Variants in ANO10 observed in about 807,000 individuals in gnomAD.
ANO10 encodes anoctamin 10.
In ANO10, 77 loss-of-function variants were observed where a neutral mutation model predicts 74.7. That is an observed-to-expected ratio of 1.03 (90% CI 0.86 to 1.25). The LOEUF (loss-of-function observed/expected upper bound fraction) is 1.25. Ranked by LOEUF, ANO10 falls within the 50% of genes most tolerant of loss-of-function variation. The pLI, the probability that ANO10 is intolerant of heterozygous loss-of-function variation, is 0.00. For synonymous variants in ANO10, 279 were observed against 284.9 expected (o/e 0.98, Z 0.21); for missense variants, 721 against 778.1 (o/e 0.93, Z 0.87).
At chr3:43,510,736 T>C (rs894035486) in intron 11 of ANO10, among the ~76,000 whole-genome samples, 2 of 152,164 alleles carry the variant, frequency 1.3e-5, no homozygotes, top group Non-Finnish European at 2.9e-5. Context: ...AATATACCAC[T>C]GTGTACAAAG....
At chr3:43,627,988 G>T (rs1219300331) in intron 1 of ANO10, among the ~76,000 whole-genome samples, 1 of 152,078 alleles carries the variant, frequency 6.6e-6, no homozygotes, top group Non-Finnish European at 1.5e-5. Flanking sequence ...CCAGATACAG[G>T]CGATTCTCCT....
intron 12 of ANO10, among the ~76,000 whole-genome samples, chr3:43,368,445 G>A (rs2091486861): frequency 6.6e-6 from 1 of 152,166 alleles, no homozygotes. Flanking sequence ...GGGGGATAGA[G>A]ATGGTTTAAT....
intron 11 of ANO10, among the ~76,000 whole-genome samples, chr3:43,446,946 C>T (rs1333473866): frequency 2.6e-5 from 4 of 152,132 alleles, no homozygotes; most frequent in Non-Finnish European, 5.9e-5. Flanking sequence ...CCCACTGTGC[C>T]TCCTGCCCAC....
At chr3:43,455,972 T>G (rs1407443543) in intron 11 of ANO10, among the ~76,000 whole-genome samples, 1 of 152,068 alleles carries the variant, frequency 6.6e-6, no homozygotes, top group African/African-American at 2.4e-5. Context: ...TAACTCTAAT[T>G]TACGATGGGA....
At chr3:43,608,102 G>T (rs2149502575) in intron 1 of ANO10, among the ~76,000 whole-genome samples, 1 of 152,236 alleles carries the variant, frequency 6.6e-6, no homozygotes, top group African/African-American at 2.4e-5. Flanking sequence ...CCAAGGCACA[G>T]ATTTAAGAAT....
intron 12 of ANO10, chr3:43,372,729 TG>T: frequency 1.1e-6 from 1 of 882,922 alleles, no homozygotes; most frequent in Non-Finnish European, 1.8e-6. Flanking sequence ...CTATCCTACC[TG>T]GTATGTGGTC....
rs2080863678 is a variant in ANO10, at chr3:43,573,835, C to A, written c.1218+974G>T. 5.9e-5 allele frequency among the ~76,000 whole-genome samples: 9 copies of A among 152,206 alleles called. No homozygotes were observed. The South Asian group carries it at 1.2e-3, about 21-fold the overall frequency. ...AAAAAATTTTTTTTAATGTAATATT[C>A]CATCACTAAACAGGTTGTGGTGACA... On this transcript the variant is annotated intron_variant, in intron 7 of 12. Transcript: ENST00000292246.
chr3:43,526,978 C>T (rs554356446), intron 11 of ANO10, among the ~76,000 whole-genome samples: 16 of 151,692 alleles, frequency 1.1e-4, no homozygotes, highest in Admixed American at 3.3e-4. Context: ...TATATACACA[C>T]ACACATATGG....
chr3:43,484,197 T>C (rs1321739513), intron 11 of ANO10, among the ~76,000 whole-genome samples: 4 of 152,178 alleles, frequency 2.6e-5, no homozygotes, highest in Non-Finnish European at 5.9e-5. Flanking sequence ...CCTCCCAAAG[T>C]GCTGGGATTA....
chr3:43,400,791 T>C (rs2092466930), intron 12 of ANO10, among the ~76,000 whole-genome samples: 1 of 151,590 alleles, frequency 6.6e-6, no homozygotes, highest in African/African-American at 2.4e-5. Context: ...AATAAACAAA[T>C]AAATAAAATG....
chr3:43,479,814 C>A (rs2149082104), intron 11 of ANO10, among the ~76,000 whole-genome samples: 1 of 152,268 alleles, frequency 6.6e-6, no homozygotes. Context: ...TGCAGAAGGG[C>A]AGAAGACACT....
At chr3:43,451,182 T>C (rs1159673708) in intron 11 of ANO10, among the ~76,000 whole-genome samples, 1 of 152,178 alleles carries the variant, frequency 6.6e-6, no homozygotes, top group Non-Finnish European at 1.5e-5. Flanking sequence ...CAGAGAATGC[T>C]GGGACATGCT....
At chr3:43,402,744 TTTACATGC>T (rs2092506025) in intron 12 of ANO10, among the ~76,000 whole-genome samples, 1 of 152,204 alleles carries the variant, frequency 6.6e-6, no homozygotes, top group Non-Finnish European at 1.5e-5. Context: ...TGTGACTATA[TTTACATGC>T]TTTCCCTTCA....
chr3:43,650,691 T>A (rs1480593504), intron 1 of ANO10, among the ~76,000 whole-genome samples: 1 of 152,304 alleles, frequency 6.6e-6, no homozygotes, highest in Non-Finnish European at 1.5e-5. Context: ...TTTTTCCAGT[T>A]TTTAGGCTGT....
chr3:43,668,452 T>C (rs1487410068), intron 1 of ANO10, among the ~76,000 whole-genome samples: 2 of 152,166 alleles, frequency 1.3e-5, no homozygotes, highest in Admixed American at 1.3e-4. Flanking sequence ...TTTTAATTTT[T>C]GTTTTTGTTG....
intron 11 of ANO10, among the ~76,000 whole-genome samples, chr3:43,473,109 CAG>C (rs2075928443): frequency 6.6e-6 from 1 of 151,990 alleles, no homozygotes; most frequent in Admixed American, 6.6e-5. Context: ...CTTGGCAAAT[CAG>C]TGTGTTGTGA....
At chr3:43,375,095 T>C (rs2091751917) in intron 12 of ANO10, among the ~76,000 whole-genome samples, 1 of 151,228 alleles carries the variant, frequency 6.6e-6, no homozygotes, top group South Asian at 2.1e-4. Flanking sequence ...CACTCCAGCC[T>C]GGGTGACAGA....
chr3:43,457,660 C>A lies in ANO10; in HGVS notation c.1798-24933G>T, dbSNP rs1047014653. Among the ~76,000 whole-genome samples the A allele has an allele frequency of 1.6e-4, 24 of 152,126 alleles. 1 individual carries two copies. Among genetic ancestry groups the A allele is most frequent in the African/African-American group, 2.4e-5 (1 of 41,424 alleles). On this transcript the variant is annotated intron_variant, in intron 11 of 12. Transcript: ENST00000292246. ...ATGAGATTTGGGTGGGAACACAGAG[C>A]CAAACCTGCTTTACTTTAGAATACA...
intron 11 of ANO10, among the ~76,000 whole-genome samples, chr3:43,461,250 C>G (rs930651686): frequency 2.0e-5 from 3 of 151,938 alleles, no homozygotes; most frequent in African/African-American, 7.3e-5. Flanking sequence ...AACTTTATAC[C>G]TGTAAGTTAA....
Sources: allele counts gnomAD v4.1 joint callset (sites outside exome capture counted in the v4.1 genomes callset), GRCh38; gene constraint gnomAD v4.1.1; transcripts MANE v1.5; gene names NCBI Gene and HGNC (gene_info 2026-07-23, HGNC 2026-07-21).